Variants in MARCHF1 observed in about 807,000 individuals in gnomAD.
MARCHF1 encodes the protein membrane associated ring-CH-type finger 1.
In MARCHF1, 40 loss-of-function variants were observed where a neutral mutation model predicts 54.2. That is an observed-to-expected ratio of 0.74 (90% CI 0.57 to 0.96). The LOEUF (loss-of-function observed/expected upper bound fraction) is 0.96. Among genes scored for constraint, MARCHF1 ranks in the 40% least tolerant of loss-of-function variants. The pLI is 0.00. For missense variants in MARCHF1, 586 were observed against 656.5 expected, an observed-to-expected ratio of 0.89 and a Z score of 1.17; for synonymous variants, 236 against 236.3, an observed-to-expected ratio of 1.00 and a Z score of 0.01.
intron 1 of MARCHF1, among the ~76,000 whole-genome samples, chr4:164,122,505 G>T (rs759540611): frequency 6.6e-6 from 1 of 151,982 alleles, no homozygotes; most frequent in Non-Finnish European, 1.5e-5. Flanking sequence ...TTAGGGTGGG[G>T]AGGCCAGCCT....
chr4:164,250,312 A>G (rs776867970), intron 1 of MARCHF1, among the ~76,000 whole-genome samples: 1 of 152,120 alleles, frequency 6.6e-6, no homozygotes, highest in Non-Finnish European at 1.5e-5. Flanking sequence ...TTCAGTGTAG[A>G]TATTCAAATT....
chr4:164,328,571 C>T (rs559664778), intron 1 of MARCHF1, among the ~76,000 whole-genome samples: 3 of 151,604 alleles, frequency 2.0e-5, no homozygotes, highest in Non-Finnish European at 4.4e-5. Flanking sequence ...CTCTTGTTGC[C>T]CAGGCTGGAG....
chr4:163,809,894 T>C (rs1165099674), intron 4 of MARCHF1, among the ~76,000 whole-genome samples: 1 of 152,148 alleles, frequency 6.6e-6, no homozygotes, highest in Admixed American at 6.5e-5. Flanking sequence ...ATGAGGTTTA[T>C]CATCTTATAC....
chr4:164,232,568 G>T (rs111315040), intron 1 of MARCHF1, among the ~76,000 whole-genome samples: 1 of 152,116 alleles, frequency 6.6e-6, no homozygotes, highest in Non-Finnish European at 1.5e-5. Flanking sequence ...ACCCTTGGCC[G>T]ATATGCAGCC....
At chr4:163,874,782 T>G (rs920881818) in intron 3 of MARCHF1, among the ~76,000 whole-genome samples, 3 of 152,196 alleles carry the variant, frequency 2.0e-5, no homozygotes, top group Admixed American at 6.5e-5. Context: ...TGTAAAAGTT[T>G]ATGAAAAATG....
At chr4:164,174,958 A>G (rs1011237085) in intron 1 of MARCHF1, among the ~76,000 whole-genome samples, 14 of 152,220 alleles carry the variant, frequency 9.2e-5, no homozygotes, top group African/African-American at 3.4e-4. Context: ...GTTCATCCAG[A>G]TGGTGTATGT....
chr4:163,922,242 T>C (rs374131643), intron 3 of MARCHF1, among the ~76,000 whole-genome samples: 4 of 151,832 alleles, frequency 2.6e-5, no homozygotes, highest in South Asian at 2.1e-4. Flanking sequence ...AGGGATAGCA[T>C]TGGGAGATAT....
chr4:163,608,914 C>A (rs146825330), intron 7 of MARCHF1, among the ~76,000 whole-genome samples: 7 of 151,986 alleles, frequency 4.6e-5, no homozygotes, highest in African/African-American at 1.4e-4. Flanking sequence ...GTATCCATTT[C>A]TAGAGATCAT....
chr4:163,651,086 T>A (rs1316169539), intron 5 of MARCHF1, among the ~76,000 whole-genome samples: 1 of 151,882 alleles, frequency 6.6e-6, no homozygotes, highest in African/African-American at 2.4e-5. Context: ...AGTTCCAAAA[T>A]CAATGATGTA....
chr4:163,692,085 C>T (rs1744475681), intron 5 of MARCHF1, among the ~76,000 whole-genome samples: 1 of 152,086 alleles, frequency 6.6e-6, no homozygotes, highest in Admixed American at 6.6e-5. Context: ...CACGGACTGG[C>T]GTGGCCCAAG....
chr4:164,170,069 C>G (rs1730482403), intron 1 of MARCHF1, among the ~76,000 whole-genome samples: 1 of 151,992 alleles, frequency 6.6e-6, no homozygotes, highest in Non-Finnish European at 1.5e-5. Context: ...CAGCTATCTT[C>G]CCACAAAGGC....
intron 3 of MARCHF1, among the ~76,000 whole-genome samples, chr4:163,948,623 A>G (rs1752069047): frequency 6.6e-6 from 1 of 152,198 alleles, no homozygotes; most frequent in Non-Finnish European, 1.5e-5. Context: ...TATAATTATG[A>G]GCAGGATGCA....
At chr4:164,097,916 C>T (rs568075571) in intron 2 of MARCHF1, among the ~76,000 whole-genome samples, 2 of 152,292 alleles carry the variant, frequency 1.3e-5, no homozygotes, top group South Asian at 4.1e-4. Context: ...TTCCGGCTGG[C>T]TTCATGGTGG....
At chr4:163,931,969 T>C (rs750444991) in intron 3 of MARCHF1, among the ~76,000 whole-genome samples, 1 of 152,212 alleles carries the variant, frequency 6.6e-6, no homozygotes. Flanking sequence ...ATAAAGCTAA[T>C]ATTGCAATAA....
intron 5 of MARCHF1, among the ~76,000 whole-genome samples, chr4:163,692,713 T>C (rs139730829): frequency 1.3e-5 from 2 of 151,350 alleles, no homozygotes; most frequent in African/African-American, 2.4e-5. Context: ...GTATGAAAAA[T>C]AGACTTAAAA....
At chr4:164,189,991 G>A in intron 1 of MARCHF1, 3 of 1,484,172 alleles carry the variant, frequency 2.0e-6, no homozygotes, top group South Asian at 2.3e-5. Flanking sequence ...GAAATCAAAA[G>A]GATGGTTAAT....
chr4:164,224,422 T>C (rs577001278), intron 1 of MARCHF1, among the ~76,000 whole-genome samples: 17 of 152,090 alleles, frequency 1.1e-4, no homozygotes, highest in African/African-American at 2.9e-4. Flanking sequence ...CTTACCTCTC[T>C]TGCTATTTGA....
intron 4 of MARCHF1, among the ~76,000 whole-genome samples, chr4:163,743,807 T>C (rs1213200305): frequency 2.6e-5 from 4 of 152,196 alleles, no homozygotes; most frequent in Non-Finnish European, 5.9e-5. Flanking sequence ...ACACCATCTT[T>C]TGCTATGTAG....
Position 164,188,939 on chromosome 4 carries a change from G to A in MARCHF1, c.-322-77277C>T, listed in dbSNP as rs1731050970. 4.2e-5 allele frequency: 32 copies of A among 756,992 alleles called. 1 individual carries two copies. The highest frequency in any genetic ancestry group is 4.1e-4 in the South Asian group (29 of 71,170). 46.9% of individuals were successfully genotyped at this position (756,992 alleles called of 1,614,324 possible). On this transcript the variant is annotated intron_variant, in intron 1 of 9. Transcript: ENST00000514618. ...CCAATGCGAAGCAACCAAAGATATT[G>A]GAACTATTGCTGAGCTAAATGTTAT...
Sources: allele counts gnomAD v4.1 joint callset (sites outside exome capture counted in the v4.1 genomes callset), GRCh38; gene constraint gnomAD v4.1.1; transcripts MANE v1.5; gene names NCBI Gene and HGNC (gene_info 2026-07-23, HGNC 2026-07-21).